Variants in RASGEF1A observed in about 807,000 individuals in gnomAD.
The protein encoded by RASGEF1A is ras-GEF domain-containing family member 1A.
RASGEF1A carries 18 observed loss-of-function variants against 56.4 expected under a neutral mutation model. That is an observed-to-expected ratio of 0.32 (90% confidence interval 0.22 to 0.47). The LOEUF is 0.47. Ranked by LOEUF, RASGEF1A falls within the 20% of genes least tolerant of loss-of-function variation. The pLI, the probability that RASGEF1A is intolerant of heterozygous loss-of-function variation, is 1.00. For missense variants in RASGEF1A, 422 were observed against 627.1 expected, an observed-to-expected ratio of 0.67 and a Z score of 3.49; for synonymous variants, 245 against 242.6, an observed-to-expected ratio of 1.01 and a Z score of -0.09.
At chr10:43,250,582 G>A (rs1840616869) in intron 1 of RASGEF1A, among the ~76,000 whole-genome samples, 1 of 152,184 alleles carries the variant, frequency 6.6e-6, no homozygotes, top group Non-Finnish European at 1.5e-5. Context: ...CAGCTCAGTG[G>A]GAGACCCCAG....
chr10:43,219,734 G>T (rs1483937363), intron 1 of RASGEF1A, among the ~76,000 whole-genome samples: 3 of 152,248 alleles, frequency 2.0e-5, no homozygotes, highest in Admixed American at 2.0e-4. Context: ...ACCTGTCCCG[G>T]GTGAGCTGCA....
Position 43,203,438 on chromosome 10 carries a change from A to G in RASGEF1A, c.199-18T>C. The G allele has an allele frequency of 6.6e-7, 1 of 1,520,590 alleles. No homozygotes were observed. The highest frequency in any genetic ancestry group is 8.9e-7 in the Non-Finnish European group (1 of 1,127,874). 94.2% of individuals were successfully genotyped at this position (1,520,590 alleles called of 1,614,324 possible). A position where few individuals can be genotyped will look rare whatever the true frequency, so the allele number is the denominator to read the frequency against. ...TACGTCCTCTGAAGGCAGGAGACGG[A>G]GAGAGGGCGGAGGGAGGGTGAGGCA... On this transcript the variant is annotated intron_variant, in intron 2 of 12. Transcript: ENST00000395810.
intron 1 of RASGEF1A, among the ~76,000 whole-genome samples, chr10:43,259,141 G>A (rs1396456390): frequency 1.3e-5 from 2 of 152,180 alleles, no homozygotes; most frequent in African/African-American, 4.8e-5. Context: ...CAGGAGCACA[G>A]AGAAGAACCC....
intron 1 of RASGEF1A, among the ~76,000 whole-genome samples, chr10:43,233,584 C>T (rs1052242122): frequency 6.6e-6 from 1 of 152,196 alleles, no homozygotes; most frequent in African/African-American, 2.4e-5. Flanking sequence ...ACCCTGCACA[C>T]CCAGCAGCAA....
At chr10:43,208,307 G>C in intron 1 of RASGEF1A, 1 of 985,728 alleles carries the variant, frequency 1.0e-6, no homozygotes. Flanking sequence ...GTATGTGGGG[G>C]ATGCACTCTG....
At chr10:43,235,788 GAT>G (rs1840423987) in intron 1 of RASGEF1A, among the ~76,000 whole-genome samples, 3 of 152,312 alleles carry the variant, frequency 2.0e-5, no homozygotes, top group Non-Finnish European at 4.4e-5. Context: ...CAAGGCATGG[GAT>G]GGGGACACAG....
At chr10:43,212,866 C>T (rs183557786) in intron 1 of RASGEF1A, among the ~76,000 whole-genome samples, 1 of 152,026 alleles carries the variant, frequency 6.6e-6, no homozygotes, top group South Asian at 2.1e-4. Flanking sequence ...ACAACACTCA[C>T]ACACACAGGT....
chr10:43,206,066 G>A lies in RASGEF1A; in HGVS notation c.51C>T (p.Ser17=), dbSNP rs369159217. ...VFSSILGPSC[S]GQVQPGMGER... ...CCCCCATGCCAGGCTGCACCTGTCC[G>A]CTACAGCTGGGCCCAAGGATGCTGG... is the stretch of plus-strand genomic sequence containing the variant. The change falls in exon 2 of 13, where the codon AGC becomes AGT. Residue 17 remains serine (S), a synonymous_variant. Transcript: ENST00000395810. 52 of 1,605,398 alleles carry A rather than the reference G, an allele frequency of 3.2e-5. No homozygotes were observed. Among genetic ancestry groups the A allele is most frequent in the South Asian group, 5.6e-5 (5 of 89,734 alleles).
At chr10:43,259,928 G>T (rs1040150338) in intron 1 of RASGEF1A, among the ~76,000 whole-genome samples, 4 of 152,126 alleles carry the variant, frequency 2.6e-5, no homozygotes, top group Non-Finnish European at 5.9e-5. Flanking sequence ...GGCGGGGACG[G>T]CAGGAAGGCT....
Position 43,198,054 on chromosome 10 carries a change from G to C in RASGEF1A, c.1174C>G (p.Leu392Val), listed in dbSNP as rs1464766545. 5 of 1,614,084 alleles carry C rather than the reference G, an allele frequency of 3.1e-6. No homozygotes were observed. In the East Asian group the frequency reaches 1.1e-4, roughly 36 times the overall value. ...FNLFVKDIYF[L>V]HKIHTNHLPN... The stretch of plus-strand genomic sequence containing the variant: ...AGGTGGTTGGTATGGATTTTGTGCA[G>C]GAAGTAGATGTCCTTAACGAAGAGG... Residue 392 changes from leucine to valine, a missense_variant, in exon 10 of 13, where the codon CTG becomes GTG. Physicochemically the swap from Leu to Val is conservative, Grantham distance 32. Transcript: ENST00000395810.
At position 43,244,425 on chromosome 10, in the gene RASGEF1A, T is replaced by C; in HGVS notation, c.-7+22420A>G. Among the ~76,000 whole-genome samples, 2 of 150,886 alleles carry C rather than the reference T, an allele frequency of 1.3e-5. 1 individual carries two copies. Among genetic ancestry groups the C allele is most frequent in the Non-Finnish European group, 3.0e-5 (2 of 67,588 alleles). ...AAATTAAAAAAAAAAATCAGAAGACTTGAACAACACTTTAAGCCAACTAGA... is the reference window on the plus strand; with the variant it reads ...AAATTAAAAAAAAAAATCAGAAGACCTGAACAACACTTTAAGCCAACTAGA... On this transcript the variant is annotated intron_variant, in intron 1 of 12. Coordinates refer to ENST00000395810, the MANE Select transcript of RASGEF1A (RefSeq NM_145313.4).
At chr10:43,261,542 G>C (rs1836529004) in intron 1 of RASGEF1A, among the ~76,000 whole-genome samples, 1 of 152,184 alleles carries the variant, frequency 6.6e-6, no homozygotes, top group Admixed American at 6.5e-5. Flanking sequence ...AATAATTGAT[G>C]CAGCCCCCTG....
intron 3 of RASGEF1A, 131 bp from the exon 4 acceptor site, chr10:43,202,076 G>T: frequency 2.0e-6 from 2 of 1,013,106 alleles, no homozygotes; most frequent in Non-Finnish European, 2.7e-6. Context: ...CCAACTGCGT[G>T]CCACCTGCGG....
At chr10:43,214,944 C>T (rs1055157785) in intron 1 of RASGEF1A, among the ~76,000 whole-genome samples, 6 of 152,138 alleles carry the variant, frequency 3.9e-5, no homozygotes, top group East Asian at 3.9e-4. Flanking sequence ...CCCAAGAGGC[C>T]GTAATGTGCA....
At chr10:43,262,514 C>G (rs976903493) in intron 1 of RASGEF1A, among the ~76,000 whole-genome samples, 1 of 152,236 alleles carries the variant, frequency 6.6e-6, no homozygotes, top group Non-Finnish European at 1.5e-5. Flanking sequence ...TGGCCCAGGC[C>G]AGGCACCTCT....
chr10:43,236,358 C>T (rs1035308643), intron 1 of RASGEF1A, among the ~76,000 whole-genome samples: 2 of 152,226 alleles, frequency 1.3e-5, no homozygotes, highest in East Asian at 3.8e-4. Context: ...CTTGAGTGTA[C>T]ATGTGTGCCT....
chr10:43,254,785 G>T (rs1840669191), intron 1 of RASGEF1A, among the ~76,000 whole-genome samples: 1 of 152,168 alleles, frequency 6.6e-6, no homozygotes, highest in Admixed American at 6.5e-5. Context: ...CCAAGCAGGG[G>T]CTCCTCCTAG....
At chr10:43,259,662 C>T (rs570515738) in intron 1 of RASGEF1A, among the ~76,000 whole-genome samples, 1 of 152,188 alleles carries the variant, frequency 6.6e-6, no homozygotes, top group African/African-American at 2.4e-5. Context: ...TGAGTCATAG[C>T]CCTCACAGGC....
chr10:43,196,626 C>A lies in RASGEF1A; in HGVS notation c.1349-78G>T. 1 of 1,317,558 alleles carries A rather than the reference C, an allele frequency of 7.6e-7. No homozygotes were observed. Among genetic ancestry groups the A allele is most frequent in the Non-Finnish European group, 1.1e-6 (1 of 920,458 alleles). 81.6% of individuals were successfully genotyped at this position (1,317,558 alleles called of 1,614,324 possible). A position where few individuals can be genotyped will look rare whatever the true frequency, so the allele number is the denominator to read the frequency against. ...GAACCCAGCTGTCCCTTCAGGAGTA[C>A]AGCCCAGCACAAGGGGACAGTGACC... is the stretch of plus-strand genomic sequence containing the variant. On this transcript the variant is annotated intron_variant, in intron 11 of 12. Transcript: ENST00000395810. This position sits in a 1 kb window ranked among gnomAD's most constrained non-coding sequence, Gnocchi z 4.6.
Sources: gnomAD v4.1 joint callset for allele counts (sites outside exome capture counted in the v4.1 genomes callset) on GRCh38, gnomAD v4.1.1 for gene constraint, Gnocchi (gnomAD v3.1) non-coding constraint, MANE v1.5 for transcripts, NCBI Gene and HGNC (gene_info 2026-07-23, HGNC 2026-07-21) for gene names.